KLF12: variants seen among roughly 807,000 people sequenced by gnomAD.
The protein encoded by KLF12 is KLF transcription factor 12.
A neutral mutation model predicts 37.8 loss-of-function variants in KLF12; 9 were observed. That is an observed-to-expected ratio of 0.24 (90% CI 0.14 to 0.42). KLF12 has a LOEUF of 0.42. Among genes scored for constraint, KLF12 ranks in the 10% least tolerant of loss-of-function variants. The probability of loss-of-function intolerance (pLI) is 1.00; values close to 1 mark genes in which losing one functional copy is unlikely to be tolerated. For missense variants in KLF12, 411 were observed against 516.0 expected (o/e 0.80, Z 1.97); for synonymous variants, 208 against 202.1 (o/e 1.03, Z -0.25).
the KLF12 span, among the ~76,000 whole-genome samples, chr13:74,213,268 C>A: frequency 6.6e-6 from 1 of 151,426 alleles, no homozygotes; most frequent in South Asian, 2.1e-4. Context: ...TTTTTCTAGT[C>A]GGTGGTATTG....
chr13:73,791,867 C>G (rs571346988), intron 5 of KLF12, among the ~76,000 whole-genome samples: 1 of 152,312 alleles, frequency 6.6e-6, no homozygotes, highest in Admixed American at 6.5e-5. Context: ...AAACAGGAAT[C>G]TAGTTCATCG....
chr13:73,926,628 C>T (rs952355785), intron 3 of KLF12, among the ~76,000 whole-genome samples: 1 of 77,450 alleles, frequency 1.3e-5, no homozygotes, highest in Admixed American at 1.6e-4. Context: ...TTCTCTCTCT[C>T]TCTTTTTTTT....
the KLF12 span, among the ~76,000 whole-genome samples, chr13:74,185,345 A>G: frequency 6.6e-6 from 1 of 152,330 alleles, no homozygotes; most frequent in South Asian, 2.1e-4. Flanking sequence ...CCTCTGAAAC[A>G]ACAGAGGAGG....
intron 3 of KLF12, among the ~76,000 whole-genome samples, chr13:73,909,414 C>T (rs1888467263): frequency 6.6e-6 from 1 of 152,182 alleles, no homozygotes; most frequent in Non-Finnish European, 1.5e-5. Context: ...AAGCATACAA[C>T]ATCAACAATA....
At chr13:74,218,420 A>G in the KLF12 span, among the ~76,000 whole-genome samples, 2 of 152,190 alleles carry the variant, frequency 1.3e-5, no homozygotes, top group Admixed American at 1.3e-4. Flanking sequence ...AAACAAAGGT[A>G]GATCCTTCAA....
chr13:74,038,108 C>G (rs947867674), intron 1 of KLF12, among the ~76,000 whole-genome samples: 1 of 152,090 alleles, frequency 6.6e-6, no homozygotes, highest in African/African-American at 2.4e-5. Context: ...GTCAGTGATC[C>G]TGAAGAAGAT....
chr13:74,140,857 T>C, the KLF12 span, among the ~76,000 whole-genome samples: 1 of 151,982 alleles, frequency 6.6e-6, no homozygotes, highest in Non-Finnish European at 1.5e-5. Flanking sequence ...ATCGAGACCA[T>C]CCTGGCTAAC....
At chr13:73,895,155 A>C (rs767381273) in intron 3 of KLF12, among the ~76,000 whole-genome samples, 4 of 152,186 alleles carry the variant, frequency 2.6e-5, no homozygotes, top group African/African-American at 9.7e-5. Context: ...TTGCTGGATA[A>C]ATAAGTTGCT....
chr13:74,236,231 G>C, the KLF12 span, among the ~76,000 whole-genome samples: 1 of 128,932 alleles, frequency 7.8e-6, no homozygotes, highest in Non-Finnish European at 1.6e-5. Context: ...TACTGAGAAT[G>C]ATGATTTCCA....
At chr13:73,783,471 AAAGATTTAG>A (rs1881104250) in intron 5 of KLF12, among the ~76,000 whole-genome samples, 1 of 152,168 alleles carries the variant, frequency 6.6e-6, no homozygotes, top group African/African-American at 2.4e-5. Flanking sequence ...AACTGAAACA[AAAGATTTAG>A]AATGTTCCTG....
At chr13:73,824,331 A>G (rs1883710708) in intron 4 of KLF12, among the ~76,000 whole-genome samples, 3 of 152,156 alleles carry the variant, frequency 2.0e-5, no homozygotes, top group Admixed American at 6.5e-5. Context: ...CTAACTTGGA[A>G]CTTAAATATA....
the KLF12 span, among the ~76,000 whole-genome samples, chr13:74,203,524 C>T: frequency 1.3e-5 from 2 of 151,974 alleles, no homozygotes; most frequent in Non-Finnish European, 2.9e-5. Context: ...AATCTGGCTA[C>T]TAGGATAAGG....
At chr13:74,205,131 C>T in the KLF12 span, among the ~76,000 whole-genome samples, 13 of 152,158 alleles carry the variant, frequency 8.5e-5, no homozygotes, top group East Asian at 1.7e-3. Context: ...AAAACTATTT[C>T]ACTAGTGGTC....
intron 1 of KLF12, among the ~76,000 whole-genome samples, chr13:74,119,704 G>A (rs1009081074): frequency 1.2e-4 from 18 of 152,082 alleles, no homozygotes; most frequent in African/African-American, 2.7e-4. Context: ...TTCAAGACTT[G>A]TGGGGCAATA....
At chr13:73,900,912 T>C (rs2139084025) in intron 3 of KLF12, among the ~76,000 whole-genome samples, 1 of 152,336 alleles carries the variant, frequency 6.6e-6, no homozygotes, top group East Asian at 1.9e-4. Context: ...TTGAAAGTTC[T>C]GAGTTCTAGT....
At chr13:74,083,571 T>A (rs1427110584) in intron 1 of KLF12, among the ~76,000 whole-genome samples, 1 of 150,954 alleles carries the variant, frequency 6.6e-6, no homozygotes, top group African/African-American at 2.5e-5. Flanking sequence ...GTACAAAAAC[T>A]CTAAGTACTC....
At chr13:74,093,074 T>C (rs773212145) in intron 1 of KLF12, among the ~76,000 whole-genome samples, 11 of 152,216 alleles carry the variant, frequency 7.2e-5, no homozygotes, top group Admixed American at 2.0e-4. Flanking sequence ...ATGGCACTGT[T>C]GAGAAGTTAA....
chr13:73,827,468 C>T (rs1038287561), intron 4 of KLF12, among the ~76,000 whole-genome samples: 1 of 152,174 alleles, frequency 6.6e-6, no homozygotes, highest in Non-Finnish European at 1.5e-5. Context: ...TGTCAATTCT[C>T]CTCCCAAATA....
the KLF12 span, among the ~76,000 whole-genome samples, chr13:74,228,253 C>G: frequency 6.6e-6 from 1 of 151,898 alleles, no homozygotes; most frequent in Non-Finnish European, 1.5e-5. Flanking sequence ...AAATCTGAAA[C>G]TATATTATAT....
Sources: gnomAD v4.1 joint callset for allele counts (sites outside exome capture counted in the v4.1 genomes callset) on GRCh38, gnomAD v4.1.1 for gene constraint, MANE v1.5 for transcripts, NCBI Gene and HGNC (gene_info 2026-07-23, HGNC 2026-07-21) for gene names.